Variants in ARID1B observed in about 807,000 individuals in gnomAD.
The protein encoded by ARID1B is AT-rich interactive domain-containing protein 1B.
ARID1B carries 30 observed loss-of-function variants against 212.3 expected under a neutral mutation model. The ratio of observed to expected loss-of-function variants is 0.14; its 90% CI spans 0.11 to 0.19. The LOEUF (loss-of-function observed/expected upper bound fraction) is 0.19. ARID1B is among the 10% of genes least tolerant of loss of function. The probability of loss-of-function intolerance (pLI) is 1.00; values close to 1 mark genes in which losing one functional copy is unlikely to be tolerated. For synonymous variants in ARID1B, 1,402 were observed against 1,301.7 expected, an observed-to-expected ratio of 1.08 and a Z score of -1.66; for missense variants, 2,891 against 3,204.0, an observed-to-expected ratio of 0.90 and a Z score of 2.36.
rs1794675129 is a variant in ARID1B, at chr6:157,209,636, G to C, written c.*1745G>C. On this transcript the variant is annotated 3_prime_UTR_variant, in exon 20 of 20. Coordinates refer to ENST00000636930, the MANE Select transcript of ARID1B (RefSeq NM_001374828.1). ...TTAATCAAAGTTCAATCTATTCCTT[G>C]TTTCTTCTGTGTGCCTCAGAGTTAT... 4.3e-6 allele frequency: 1 copy of C among 232,968 alleles called. No individual in the cohort carries two copies. Among genetic ancestry groups the C allele is most frequent in the South Asian group, 1.8e-4 (1 of 5,528 alleles). The allele number at this position is 232,968 out of a possible 1,614,324, so 14.4% of individuals were successfully genotyped here. A position where few individuals can be genotyped will look rare whatever the true frequency, so the allele number is the denominator to read the frequency against.
chr6:156,925,076 G>A (rs977216166), intron 3 of ARID1B, among the ~76,000 whole-genome samples: 1 of 152,128 alleles, frequency 6.6e-6, no homozygotes, highest in Non-Finnish European at 1.5e-5. Context: ...CTTAAGTTTT[G>A]AATATAAATT....
At chr6:157,143,597 CATT>C (rs1789526180) in intron 7 of ARID1B, among the ~76,000 whole-genome samples, 1 of 152,096 alleles carries the variant, frequency 6.6e-6, no homozygotes, top group Admixed American at 6.6e-5. Flanking sequence ...ACCTCTTACT[CATT>C]ATCGTAGTCA....
At chr6:157,179,648 A>G (rs1047938322) in intron 11 of ARID1B, among the ~76,000 whole-genome samples, 2 of 152,240 alleles carry the variant, frequency 1.3e-5, no homozygotes, top group African/African-American at 4.8e-5. Flanking sequence ...CACCCATTAC[A>G]TATTTGATAA....
chr6:157,135,506 AC>A (rs1788846399), intron 7 of ARID1B, among the ~76,000 whole-genome samples: 1 of 152,200 alleles, frequency 6.6e-6, no homozygotes, highest in South Asian at 2.1e-4. Context: ...AGCACCATGC[AC>A]CCTTTTCTCC....
intron 4 of ARID1B, among the ~76,000 whole-genome samples, chr6:157,014,627 G>GATGT (rs1199790123): frequency 6.6e-6 from 1 of 152,138 alleles, no homozygotes; most frequent in Non-Finnish European, 1.5e-5. Context: ...AGGCTTTATA[G>GATGT]ATGTATGACA....
upstream of ARID1B, chr6:156,777,155 T>G (rs1201869682): frequency 6.6e-6 from 1 of 152,112 alleles, no homozygotes; most frequent in Admixed American, 6.6e-5. Context: ...GGGGGGAAAG[T>G]GCAGGTTCCG....
intron 1 of ARID1B, among the ~76,000 whole-genome samples, chr6:156,797,764 C>T (rs1780488188): frequency 6.6e-6 from 1 of 152,214 alleles, no homozygotes; most frequent in South Asian, 2.1e-4. Flanking sequence ...TTGAGGCGGG[C>T]ACAAGGGCCG....
At chr6:157,084,569 C>G (rs1481064329) in intron 4 of ARID1B, 93 bp from the exon 5 acceptor site, 12 of 1,478,004 alleles carry the variant, frequency 8.1e-6, no homozygotes, top group African/African-American at 1.4e-5. Flanking sequence ...ACCTTCATCT[C>G]TGAAGGGGAC....
At chr6:156,889,393 C>T (rs1787755750) in intron 2 of ARID1B, among the ~76,000 whole-genome samples, 1 of 152,158 alleles carries the variant, frequency 6.6e-6, no homozygotes, top group South Asian at 2.1e-4. Flanking sequence ...GTAATTAGGG[C>T]ACTTGAGCAT....
intron 4 of ARID1B, among the ~76,000 whole-genome samples, chr6:156,951,007 G>T (rs1793543878): frequency 6.6e-6 from 1 of 152,012 alleles, no homozygotes; most frequent in African/African-American, 2.4e-5. Flanking sequence ...ATAACTTAAT[G>T]ATCAAAATTT....
chr6:156,895,073 A>G (rs1364787791), intron 2 of ARID1B, among the ~76,000 whole-genome samples: 2 of 152,232 alleles, frequency 1.3e-5, no homozygotes, highest in Non-Finnish European at 2.9e-5. Context: ...TTGGATGTAA[A>G]GGTGGACAAG....
chr6:156,838,882 T>C (rs935285735), intron 2 of ARID1B, among the ~76,000 whole-genome samples: 10 of 151,784 alleles, frequency 6.6e-5, no homozygotes, highest in Middle Eastern at 3.2e-3. Context: ...CTTAAAAGGG[T>C]CAGCCAACAA....
rs113981253 is a variant in ARID1B at position 156,962,161 on chromosome 6, T to C, written c.2247+26585T>C. Among the ~76,000 whole-genome samples the C allele has an allele frequency of 3.5e-3, 533 of 151,958 alleles. 2 individuals carry two copies. Among genetic ancestry groups the C allele is most frequent in the African/African-American group, 0.012 (500 of 41,408 alleles). ...AAAAATACAAAAAATTAGCCGGGCG[T>C]GGTGGCGGGCGCCTGCAGTCCCAGC... On this transcript the variant is annotated intron_variant, in intron 4 of 19. Coordinates refer to ENST00000636930, the MANE Select transcript of ARID1B (RefSeq NM_001374828.1).
intron 6 of ARID1B, among the ~76,000 whole-genome samples, chr6:157,129,438 G>T (rs954338598): frequency 1.3e-5 from 2 of 152,230 alleles, no homozygotes; most frequent in African/African-American, 2.4e-5. Flanking sequence ...ATGGTCTTGG[G>T]GAACAGGGAA....
At chr6:156,897,212 G>GCTTCTTCTTCTT (rs1259415755) in intron 2 of ARID1B, among the ~76,000 whole-genome samples, 20 of 70,000 alleles carry the variant, frequency 2.9e-4, no homozygotes, top group East Asian at 1.4e-3. Context: ...TGCTGCTGCT[G>GCTTCTTCTTCTT]CTGCTGCTTC....
intron 4 of ARID1B, among the ~76,000 whole-genome samples, chr6:156,949,698 GTTC>G (rs1357583001): frequency 3.3e-5 from 5 of 152,164 alleles, no homozygotes; most frequent in African/African-American, 1.2e-4. Context: ...TGCCACTGAG[GTTC>G]TTCTGCATCC....
At position 157,024,968 on chromosome 6, in the gene ARID1B, C is replaced by T. The variant is rs965812856; in HGVS notation, c.2248-59694C>T. ...GGTTGTGTAATAATTTTCATGACTG[C>T]GCTTGTACAGACGATTTCACCATTG... On this transcript the variant is annotated intron_variant, in intron 4 of 19. Coordinates refer to ENST00000636930, the MANE Select transcript of ARID1B (RefSeq NM_001374828.1). 4.6e-5 allele frequency among the ~76,000 whole-genome samples: 7 copies of T among 152,238 alleles called. No homozygotes were observed. In the South Asian group the frequency reaches 1.0e-3, roughly 23 times the overall value.
chr6:156,937,647 C>T (rs1242198379), intron 4 of ARID1B: 1 of 152,202 alleles, frequency 6.6e-6, no homozygotes, highest in East Asian at 1.9e-4. Flanking sequence ...AGATAACTGA[C>T]TGAAGAGTTT....
In ARID1B at chr6:156,795,310, G is replaced by A. The variant is rs146707667; in HGVS notation, c.1791+15839G>A. On this transcript the variant is annotated intron_variant, in intron 1 of 19. Coordinates refer to ENST00000636930, the MANE Select transcript of ARID1B (RefSeq NM_001374828.1). ...GGTTTACGAGTCCAGAAATCCATGA[G>A]TCCGAGGAAGTGGGAAGAGAGAATA... is the stretch of plus-strand genomic sequence containing the variant. 5.2e-3 allele frequency among the ~76,000 whole-genome samples: 797 copies of A among 152,264 alleles called. 6 individuals are homozygous for A. Among genetic ancestry groups the A allele is most frequent in the African/African-American group, 0.018 (747 of 41,538 alleles).
Sources: gnomAD v4.1 joint callset for allele counts (sites outside exome capture counted in the v4.1 genomes callset) on GRCh38, gnomAD v4.1.1 for gene constraint, MANE v1.5 for transcripts, NCBI Gene and HGNC (gene_info 2026-07-23, HGNC 2026-07-21) for gene names.